Variants in RBFOX1 observed in about 807,000 individuals in gnomAD.
RBFOX1 encodes RNA binding protein fox-1 homolog 1.
A neutral mutation model predicts 57.7 loss-of-function variants in RBFOX1; 8 were observed. The ratio of observed to expected loss-of-function variants is 0.14; its 90% CI spans 0.08 to 0.25. The LOEUF is 0.25. Among genes scored for constraint, RBFOX1 ranks in the 10% least tolerant of loss-of-function variants. RBFOX1 has a pLI of 1.00. For synonymous variants in RBFOX1, 326 were observed against 222.4 expected (o/e 1.47, Z -4.15); for missense variants, 611 against 548.5 (o/e 1.11, Z -1.14).
At position 7,250,999 on chromosome 16, in the gene RBFOX1, T is replaced by C. The variant is rs569229116; in HGVS notation, c.27+198901T>C. ...TAATTAATACGTGTATTATCTGATATACATTTTTGTAGTGAAAACACTTAA... is the reference window on the plus strand; with the variant it reads ...TAATTAATACGTGTATTATCTGATACACATTTTTGTAGTGAAAACACTTAA... On this transcript the variant is annotated intron_variant, in intron 4 of 15. Transcript: ENST00000550418. Among the ~76,000 whole-genome samples the C allele has an allele frequency of 1.9e-3, 205 of 105,130 alleles. 1 individual carries two copies. The highest frequency in any genetic ancestry group is 0.01 in the African/African-American group (199 of 19,436). The allele number at this position is 105,130 out of a possible 152,430, so 69.0% of individuals were successfully genotyped here. A position where few individuals can be genotyped will look rare whatever the true frequency, so the allele number is the denominator to read the frequency against.
intron 1 of RBFOX1, among the ~76,000 whole-genome samples, chr16:5,413,336 T>C (rs1291492363): frequency 6.6e-6 from 1 of 152,228 alleles, no homozygotes; most frequent in Non-Finnish European, 1.5e-5. Flanking sequence ...GAAAGGGCTT[T>C]ATTTTCTTTC....
intron 4 of RBFOX1, among the ~76,000 whole-genome samples, chr16:7,427,122 G>C (rs66460138): frequency 1.3e-5 from 2 of 152,122 alleles, no homozygotes; most frequent in East Asian, 1.9e-4. Flanking sequence ...TCATGCAGTG[G>C]GGGGAGCGGA....
At chr16:7,204,418 G>A (rs1437868485) in intron 4 of RBFOX1, among the ~76,000 whole-genome samples, 2 of 152,134 alleles carry the variant, frequency 1.3e-5, no homozygotes, top group East Asian at 3.9e-4. Flanking sequence ...GAAGTGGGAG[G>A]ATCACTTGAG....
chr16:5,545,291 A>G (rs562593678), intron 2 of RBFOX1, among the ~76,000 whole-genome samples: 2 of 68,328 alleles, frequency 2.9e-5, no homozygotes, highest in African/African-American at 4.4e-5. Flanking sequence ...TTAAATTCTA[A>G]CAAATATTAA....
intron 3 of RBFOX1, among the ~76,000 whole-genome samples, chr16:5,747,551 T>G (rs2053034922): frequency 6.6e-6 from 1 of 152,134 alleles, no homozygotes; most frequent in Non-Finnish European, 1.5e-5. Flanking sequence ...ATTGCCCCAA[T>G]TTGAGAGCCT....
chr16:7,071,783 C>G (rs992421991), intron 4 of RBFOX1, among the ~76,000 whole-genome samples: 5 of 151,952 alleles, frequency 3.3e-5, no homozygotes, highest in African/African-American at 9.7e-5. Context: ...TTCATATACC[C>G]AAATTCACAC....
chr16:6,604,268 G>A (rs2097895791), intron 2 of RBFOX1, among the ~76,000 whole-genome samples: 1 of 151,730 alleles, frequency 6.6e-6, no homozygotes, highest in African/African-American at 2.4e-5. Flanking sequence ...CATCAAAATG[G>A]CTATTTTAGA....
At chr16:6,864,870 A>G (rs1036240133) in intron 3 of RBFOX1, among the ~76,000 whole-genome samples, 25 of 151,832 alleles carry the variant, frequency 1.6e-4, no homozygotes, top group African/African-American at 4.4e-4. Context: ...ATGTGAATGG[A>G]TACTCATCAA....
At chr16:7,296,054 G>A (rs2095881195) in intron 4 of RBFOX1, among the ~76,000 whole-genome samples, 1 of 151,834 alleles carries the variant, frequency 6.6e-6, no homozygotes, top group Non-Finnish European at 1.5e-5. Context: ...GATACTTGTT[G>A]TGCCAGTGCC....
At chr16:6,146,743 A>G (rs551800138) in intron 1 of RBFOX1, among the ~76,000 whole-genome samples, 1 of 152,344 alleles carries the variant, frequency 6.6e-6, no homozygotes, top group Non-Finnish European at 1.5e-5. Context: ...GCTGTTCATT[A>G]TACCTTTACT....
At chr16:7,293,825 T>A (rs1328290709) in intron 4 of RBFOX1, among the ~76,000 whole-genome samples, 1 of 152,120 alleles carries the variant, frequency 6.6e-6, no homozygotes, top group Non-Finnish European at 1.5e-5. Context: ...ATCATCAGAC[T>A]TTGAAGGTAT....
intron 4 of RBFOX1, among the ~76,000 whole-genome samples, chr16:7,481,784 C>T (rs1050529497): frequency 1.3e-5 from 2 of 152,134 alleles, no homozygotes; most frequent in South Asian, 2.1e-4. Flanking sequence ...ACTTAACACC[C>T]CTCACCTACT....
chr16:5,877,937 A>C (rs917409407), intron 4 of RBFOX1, among the ~76,000 whole-genome samples: 1 of 152,166 alleles, frequency 6.6e-6, no homozygotes, highest in African/African-American at 2.4e-5. Flanking sequence ...TGTTTAAGCT[A>C]GTCCTCAATT....
At chr16:7,275,893 T>A (rs571392089) in intron 4 of RBFOX1, among the ~76,000 whole-genome samples, 19 of 152,312 alleles carry the variant, frequency 1.2e-4, no homozygotes, top group African/African-American at 4.6e-4. Context: ...CCCCAGGGGT[T>A]GCTGTAAGAC....
In RBFOX1 at chr16:6,843,424, T is replaced by G. The variant is rs9927360; in HGVS notation, c.-16+188774T>G. Among the ~76,000 whole-genome samples, 998 of 148,230 alleles carry G rather than the reference T, an allele frequency of 6.7e-3. 10 individuals are homozygous for G. The highest frequency in any genetic ancestry group is 0.023 in the African/African-American group (941 of 41,228). On this transcript the variant is annotated intron_variant, in intron 3 of 15. Transcript: ENST00000550418. ...AAAGCTTTGGCCAGACATGGTGGCT[T>G]ACACCTGTAATCCCAGTACTTTGGG... is the stretch of plus-strand genomic sequence containing the variant.
intron 2 of RBFOX1, among the ~76,000 whole-genome samples, chr16:6,327,501 C>G (rs1173371343): frequency 6.6e-6 from 1 of 151,996 alleles, no homozygotes; most frequent in Non-Finnish European, 1.5e-5. Context: ...CATTTACAGT[C>G]AGTTCGTTGT....
chr16:7,041,819 G>C (rs552057753), intron 3 of RBFOX1, among the ~76,000 whole-genome samples: 1 of 152,150 alleles, frequency 6.6e-6, no homozygotes, highest in East Asian at 1.9e-4. Flanking sequence ...ACCAATTGCT[G>C]GTATTTGCTG....
intron 4 of RBFOX1, among the ~76,000 whole-genome samples, chr16:7,405,303 C>A (rs545705322): frequency 6.6e-6 from 1 of 152,218 alleles, no homozygotes; most frequent in Non-Finnish European, 1.5e-5. Context: ...GGTAGCCCCC[C>A]CGCTGCAAAC....
chr16:6,940,026 C>T (rs2078083725), intron 3 of RBFOX1, among the ~76,000 whole-genome samples: 1 of 152,084 alleles, frequency 6.6e-6, no homozygotes, highest in Non-Finnish European at 1.5e-5. Flanking sequence ...GTCAGCCTGG[C>T]CTACAGGGCA....
Sources: gnomAD v4.1 joint callset for allele counts (sites outside exome capture counted in the v4.1 genomes callset) on GRCh38, gnomAD v4.1.1 for gene constraint, MANE v1.5 for transcripts, NCBI Gene and HGNC (gene_info 2026-07-23, HGNC 2026-07-21) for gene names.